IGF1R: variants seen among roughly 807,000 people sequenced by gnomAD.
IGF1R encodes insulin like growth factor 1 receptor.
Under a neutral mutation model 144.6 loss-of-function variants are expected in IGF1R, and 44 were observed. The ratio of observed to expected loss-of-function variants is 0.30; its 90% confidence interval spans 0.24 to 0.39. The LOEUF is 0.39. Among genes scored for constraint, IGF1R ranks in the 10% least tolerant of loss-of-function variants. IGF1R has a pLI of 1.00. For missense variants in IGF1R, 1,355 were observed against 1,833.7 expected (o/e 0.74, Z 4.77); for synonymous variants, 795 against 722.8 (o/e 1.10, Z -1.60).
In IGF1R at chr15:98,964,373, T is replaced by A. The variant is rs891141089; in HGVS notation, c.*6931T>A. Reference sequence around the variant, plus strand: ...TGTATATTCTGTTGTAAGAATTTATTCCTGTTATTGCGATATACTCTGGAT... The same window carrying A: ...TGTATATTCTGTTGTAAGAATTTATACCTGTTATTGCGATATACTCTGGAT... On this transcript the variant is annotated 3_prime_UTR_variant, in exon 21 of 21. Coordinates refer to ENST00000650285, the MANE Select transcript of IGF1R (RefSeq NM_000875.5). 6 of 230,876 alleles carry A rather than the reference T, an allele frequency of 2.6e-5. No individual in the cohort carries two copies. The highest frequency in any genetic ancestry group is 1.3e-4 in the African/African-American group (6 of 45,226). 14.3% of individuals were successfully genotyped at this position (230,876 alleles called of 1,614,324 possible).
At chr15:98,717,774 CTCTG>C (rs1193428926) in intron 2 of IGF1R, among the ~76,000 whole-genome samples, 1 of 152,138 alleles carries the variant, frequency 6.6e-6, no homozygotes, top group East Asian at 1.9e-4. Context: ...TTTTAAATGC[CTCTG>C]TCTGTTTGCA....
chr15:98,943,904 C>T (rs977488942), intron 19 of IGF1R, among the ~76,000 whole-genome samples: 4 of 152,092 alleles, frequency 2.6e-5, no homozygotes, highest in Admixed American at 2.6e-4. Flanking sequence ...CCTCGTAAAC[C>T]TTTCACAGTT....
chr15:98,723,142 G>A (rs534378514), intron 2 of IGF1R, among the ~76,000 whole-genome samples: 24 of 151,518 alleles, frequency 1.6e-4, no homozygotes, highest in Admixed American at 5.9e-4. Context: ...AATGAGTTTC[G>A]TACATGTTTA....
chr15:98,729,241 G>A (rs911928620), intron 2 of IGF1R, among the ~76,000 whole-genome samples: 4 of 152,002 alleles, frequency 2.6e-5, no homozygotes, highest in Non-Finnish European at 5.9e-5. Context: ...AAGGTGTAGA[G>A]CATTATATGT....
chr15:98,768,371 C>G lies in IGF1R; in HGVS notation c.640+60264C>G, dbSNP rs894863226. 2.0e-5 allele frequency among the ~76,000 whole-genome samples: 3 copies of G among 152,184 alleles called. No homozygotes were observed. The East Asian group carries it at 5.8e-4, about 30-fold the overall frequency. On this transcript the variant is annotated intron_variant, in intron 2 of 20. Transcript: ENST00000650285. ...GTGGCTTACGCCTATAATCCCAGTA[C>G]TTTGGGAGGCTGAGGCGGGTGGATC...
At chr15:98,657,806 T>G (rs2052519288) in intron 1 of IGF1R, among the ~76,000 whole-genome samples, 1 of 152,214 alleles carries the variant, frequency 6.6e-6, no homozygotes, top group Non-Finnish European at 1.5e-5. Context: ...TTTGTTCAGT[T>G]TCAGTTCTGC....
At chr15:98,889,931 A>G (rs116013150) in intron 2 of IGF1R, among the ~76,000 whole-genome samples, 171 of 152,320 alleles carry the variant, frequency 1.1e-3, no homozygotes, top group African/African-American at 3.9e-3. Context: ...TGCAAACCAG[A>G]TTTCATATTT....
chr15:98,845,567 C>T (rs2011295147), intron 2 of IGF1R, among the ~76,000 whole-genome samples: 2 of 143,436 alleles, frequency 1.4e-5, no homozygotes, highest in African/African-American at 2.6e-5. Context: ...CCTCTTCTCT[C>T]GTTTCTCTTC....
At chr15:98,821,472 C>T (rs2670501) in intron 2 of IGF1R, among the ~76,000 whole-genome samples, 74,731 of 151,950 alleles carry the variant, frequency 0.49, 18,625 homozygotes, top group East Asian at 0.64. Context: ...GGCCCCTTTT[C>T]TGCTGGATTT....
chr15:98,688,994 C>T (rs1268706179), intron 1 of IGF1R, among the ~76,000 whole-genome samples: 2 of 152,096 alleles, frequency 1.3e-5, no homozygotes, highest in Admixed American at 1.3e-4. Context: ...ACTTTGGCTG[C>T]CCAGATGTTA....
intron 2 of IGF1R, among the ~76,000 whole-genome samples, chr15:98,828,776 T>G (rs756079873): frequency 7.1e-4 from 57 of 80,060 alleles, no homozygotes; most frequent in Non-Finnish European, 1.1e-3. Flanking sequence ...TGAGCATGGT[T>G]TTTTTTTTTT....
At chr15:98,681,254 T>C (rs1388437429) in intron 1 of IGF1R, among the ~76,000 whole-genome samples, 1 of 152,208 alleles carries the variant, frequency 6.6e-6, no homozygotes, top group South Asian at 2.1e-4. Context: ...TGAGGGCGGC[T>C]GCACTACTTT....
chr15:98,734,877 CG>C (rs1251158139), intron 2 of IGF1R: 2 of 152,106 alleles, frequency 1.3e-5, no homozygotes, highest in African/African-American at 4.8e-5. Flanking sequence ...TATGCCAAGA[CG>C]AATTGTAGGT....
chr15:98,747,325 T>G, intron 2 of IGF1R, among the ~76,000 whole-genome samples: 1 of 152,030 alleles, frequency 6.6e-6, no homozygotes, highest in Non-Finnish European at 1.5e-5. Context: ...GCCTCCTGAG[T>G]ACCTGGAATT....
chr15:98,833,865 G>C (rs531016791), intron 2 of IGF1R, among the ~76,000 whole-genome samples: 1 of 152,254 alleles, frequency 6.6e-6, no homozygotes, highest in East Asian at 1.9e-4. Context: ...TCTAGAGGCA[G>C]CCAAAAAAAT....
intron 4 of IGF1R, among the ~76,000 whole-genome samples, chr15:98,898,700 T>G (rs756533831): frequency 3.3e-5 from 5 of 152,256 alleles, no homozygotes; most frequent in Non-Finnish European, 5.9e-5. Flanking sequence ...TCCCATTAAT[T>G]GGACCACACC....
At chr15:98,870,409 G>T (rs1013260558) in intron 2 of IGF1R, among the ~76,000 whole-genome samples, 2 of 152,184 alleles carry the variant, frequency 1.3e-5, no homozygotes, top group African/African-American at 4.8e-5. Flanking sequence ...GGTCAGGAGA[G>T]ACCTCTTGGG....
At chr15:98,773,896 T>C (rs914499260) in intron 2 of IGF1R, among the ~76,000 whole-genome samples, 15 of 152,302 alleles carry the variant, frequency 9.8e-5, no homozygotes, top group Admixed American at 7.8e-4. Context: ...GAGACAGGAT[T>C]GGCACAATCA....
At chr15:98,766,577 T>C (rs1356373089) in intron 2 of IGF1R, among the ~76,000 whole-genome samples, 1 of 152,216 alleles carries the variant, frequency 6.6e-6, no homozygotes, top group Non-Finnish European at 1.5e-5. Flanking sequence ...GAGTTGGGGA[T>C]TGGATAATGT....
Sources: allele counts gnomAD v4.1 joint callset (sites outside exome capture counted in the v4.1 genomes callset), GRCh38; gene constraint gnomAD v4.1.1; transcripts MANE v1.5; gene names NCBI Gene and HGNC (gene_info 2026-07-23, HGNC 2026-07-21).